The following SLC35G1 variants were observed in gnomAD, a reference collection of about 807,000 sequenced individuals.
SLC35G1 encodes solute carrier family 35 member G1.
A neutral mutation model predicts 17.1 loss-of-function variants in SLC35G1; 10 were observed. The ratio of observed to expected loss-of-function variants is 0.59; its 90% confidence interval spans 0.36 to 0.99. SLC35G1 has a LOEUF of 0.99. SLC35G1 is among the 50% of genes least tolerant of loss of function. The pLI is 0.01. For missense variants in SLC35G1, 433 were observed against 468.4 expected, an observed-to-expected ratio of 0.92 and a Z score of 0.70; for synonymous variants, 185 against 181.1, an observed-to-expected ratio of 1.02 and a Z score of -0.18.
intron 2 of SLC35G1, among the ~76,000 whole-genome samples, chr10:93,899,954 G>T (rs1199566083): frequency 1.3e-5 from 2 of 152,144 alleles, no homozygotes; most frequent in African/African-American, 2.4e-5. Context: ...GGCCAAATGT[G>T]ACCGTGCTTT....
chr10:93,900,933 A>G lies in SLC35G1; in HGVS notation c.541A>G (p.Lys181Glu). ...ATTTGCTTGGATATGTCTCAAGGAA[A>G]AATATAGCCCTTGGGATGCTCTTTT... ...SIFAWICLKEKYSPWDALFTV... is the reference protein window; with the variant it reads ...SIFAWICLKEEYSPWDALFTV... The change falls in exon 3 of 3, where the codon AAA (lysine) becomes GAA (glutamate). Residue 181 changes from lysine to glutamate, a missense_variant. Transcript: ENST00000427197. 1 of 1,614,060 alleles carries G rather than the reference A, an allele frequency of 6.2e-7. No individual in the cohort carries two copies. The highest frequency in any genetic ancestry group is 8.5e-7 in the Non-Finnish European group (1 of 1,179,974).
chr10:93,903,419 T>G lies in SLC35G1; in HGVS notation c.*1929T>G, dbSNP rs1454846308. ...ATTTCCATGGCCTTCCTCCCTTCCT[T>G]AGTTCCATGATAAAGTATGGACAGT... is the stretch of plus-strand genomic sequence containing the variant. On this transcript the variant is annotated 3_prime_UTR_variant, in exon 3 of 3. Transcript: ENST00000427197. 6.6e-6 allele frequency: 1 copy of G among 152,180 alleles called. No homozygotes were observed. The highest frequency in any genetic ancestry group is 2.4e-5 in the African/African-American group (1 of 41,434). 9.4% of individuals were successfully genotyped at this position (152,180 alleles called of 1,614,324 possible). A position where few individuals can be genotyped will look rare whatever the true frequency, so the allele number is the denominator to read the frequency against.
rs1178412920 is a variant in SLC35G1 at position 93,901,588 on chromosome 10, GGT to G, written c.*99_*100del. The G allele has an allele frequency of 7.5e-7, 1 of 1,336,416 alleles. No individual in the cohort carries two copies. Among genetic ancestry groups the G allele is most frequent in the African/African-American group, 1.5e-5 (1 of 67,154 alleles). The allele number at this position is 1,336,416 out of a possible 1,614,324, so 82.8% of individuals were successfully genotyped here. A position where few individuals can be genotyped will look rare whatever the true frequency, so the allele number is the denominator to read the frequency against. On this transcript the variant is annotated 3_prime_UTR_variant, in exon 3 of 3. Transcript: ENST00000427197. ...CTGGAAAATCTGCATTTTCTTCATTGGTTGTATTTAATAAATTGCCTAAAGTA... is the reference window on the plus strand; with the variant it reads ...CTGGAAAATCTGCATTTTCTTCATTGTGTATTTAATAAATTGCCTAAAGTA...
intron 1 of SLC35G1, among the ~76,000 whole-genome samples, chr10:93,897,726 TTGA>T (rs2060344635): frequency 6.6e-6 from 1 of 152,158 alleles, no homozygotes; most frequent in Non-Finnish European, 1.5e-5. Flanking sequence ...GACTGAATAC[TTGA>T]TGCCCTGGAG....
Position 93,901,447 on chromosome 10 carries a change from A to G in SLC35G1, c.1055A>G (p.Asn352Ser), listed in dbSNP as rs757304919. 1 of 1,603,894 alleles carries G rather than the reference A, an allele frequency of 6.2e-7. No homozygotes were observed. Among genetic ancestry groups the G allele is most frequent in the Non-Finnish European group, 8.5e-7 (1 of 1,176,414 alleles). The change falls in exon 3 of 3, where the codon AAT becomes AGT. Residue 352 changes from asparagine to serine, a missense_variant. Transcript: ENST00000427197. ...VGGALCVVASNVGAAIRKWYQ... is the reference protein window; with the variant it reads ...VGGALCVVASSVGAAIRKWYQ... ...GGTGCTCTCTGCGTAGTAGCCAGTA[A>G]TGTTGGAGCGGCCATTCGTAAATGG...
intron 1 of SLC35G1, among the ~76,000 whole-genome samples, chr10:93,895,360 C>T (rs1056112573): frequency 2.6e-5 from 4 of 152,224 alleles, no homozygotes; most frequent in African/African-American, 9.6e-5. Context: ...TTATGCCAGG[C>T]TGAATTGAAC....
chr10:93,894,113 C>T lies in SLC35G1; in HGVS notation c.80C>T (p.Ala27Val). 2 of 1,488,052 alleles carry T rather than the reference C, an allele frequency of 1.3e-6. No homozygotes were observed. Among genetic ancestry groups the T allele is most frequent in the South Asian group, 1.3e-5 (1 of 79,314 alleles). The allele number at this position is 1,488,052 out of a possible 1,614,324, so 92.2% of individuals were successfully genotyped here. ...CTAACGGACGATGCACCCCCGGGCG[C>T]CACTGAGGAGCCGGCGGCCGCCGAG... ...LPLTDDAPPG[A>V]TEEPAAAEAA... The change falls in exon 1 of 3, where the codon GCC (alanine) becomes GTC (valine). Residue 27 changes from alanine (A) to valine (V), a missense_variant. Physicochemically the swap from Ala to Val is moderately conservative, Grantham distance 64 (BLOSUM62 0). Transcript: ENST00000427197.
At position 93,902,791 on chromosome 10, in the gene SLC35G1, T is replaced by A. The variant is rs2134071339; in HGVS notation, c.*1301T>A. On this transcript the variant is annotated 3_prime_UTR_variant, in exon 3 of 3. Coordinates refer to ENST00000427197, the MANE Select transcript of SLC35G1 (RefSeq NM_001134658.3). ...ATACCATGATGCAGCACCATGACAC[T>A]AACGCCATGAATTCAAACAGCACGT... 1 of 152,738 alleles carries A rather than the reference T, an allele frequency of 6.5e-6. No homozygotes were observed. The highest frequency in any genetic ancestry group is 1.5e-5 in the Non-Finnish European group (1 of 68,032). The allele number at this position is 152,738 out of a possible 1,614,324, so 9.5% of individuals were successfully genotyped here. A position where few individuals can be genotyped will look rare whatever the true frequency, so the allele number is the denominator to read the frequency against.
chr10:93,902,490 C>A lies in SLC35G1; in HGVS notation c.*1000C>A, dbSNP rs544080699. On this transcript the variant is annotated 3_prime_UTR_variant, in exon 3 of 3. Transcript: ENST00000427197. The stretch of plus-strand genomic sequence containing the variant: ...ATTTTACTATTTTAACTTAGAAAAA[C>A]CATCGTTTCATATGATTCACCCTAA... The A allele has an allele frequency of 6.6e-6, 1 of 152,616 alleles. No individual in the cohort carries two copies. Among genetic ancestry groups the A allele is most frequent in the East Asian group, 1.9e-4 (1 of 5,186 alleles). 9.5% of individuals were successfully genotyped at this position (152,616 alleles called of 1,614,324 possible). A position where few individuals can be genotyped will look rare whatever the true frequency, so the allele number is the denominator to read the frequency against.
chr10:93,907,644 AAG>A (rs1274315624), downstream of SLC35G1: 5 of 152,222 alleles, frequency 3.3e-5, no homozygotes, highest in Non-Finnish European at 7.3e-5. Context: ...TTTGTATAAA[AAG>A]AGGGTAAACA....
chr10:93,907,041 T>C (rs1345529620), downstream of SLC35G1: 1 of 152,084 alleles, frequency 6.6e-6, no homozygotes, highest in Non-Finnish European at 1.5e-5. Flanking sequence ...TTTTGGAAAA[T>C]AGTTATTTTT....
chr10:93,894,398 C>T (rs759710759), intron 1 of SLC35G1, among the ~76,000 whole-genome samples, 187 bp downstream of exon 1: 2 of 152,108 alleles, frequency 1.3e-5, no homozygotes, highest in African/African-American at 2.4e-5. Flanking sequence ...GCGCCCCAGC[C>T]GGCGCTAAGA....
downstream of SLC35G1, chr10:93,906,437 A>G (rs1300193133): frequency 1.3e-5 from 2 of 152,274 alleles, no homozygotes; most frequent in East Asian, 3.9e-4. Context: ...GAGCTGCCCC[A>G]GCTGATGCTG....
intron 2 of SLC35G1, among the ~76,000 whole-genome samples, chr10:93,900,239 A>G (rs1188121389): frequency 6.6e-6 from 1 of 152,218 alleles, no homozygotes; most frequent in East Asian, 1.9e-4. Flanking sequence ...AGTTTTATAG[A>G]AAAATTCATG....
chr10:93,897,481 A>G (rs1414394509), intron 1 of SLC35G1, among the ~76,000 whole-genome samples: 3 of 152,174 alleles, frequency 2.0e-5, no homozygotes, highest in East Asian at 1.9e-4. Flanking sequence ...CTCTTAATCA[A>G]TGAGGGCCAC....
At position 93,901,509 on chromosome 10, in the gene SLC35G1, C is replaced by CGGCGACCACCG; in HGVS notation, c.*19_*20insGGCGACCACCG. 1 of 1,560,586 alleles carries CGGCGACCACCG rather than the reference C, an allele frequency of 6.4e-7. No individual in the cohort carries two copies. On this transcript the variant is annotated 3_prime_UTR_variant, in exon 3 of 3. Transcript: ENST00000427197. Reference sequence around the variant, plus strand: ...CAAATGAAGCATCATTGCTGAAATACATATTTTTTTCAAGTACACCATCAC... The same window carrying CGGCGACCACCG: ...CAAATGAAGCATCATTGCTGAAATACGGCGACCACCGATATTTTTTTCAAGTACACCATCAC...
At chr10:93,896,228 T>C (rs2060328582) in intron 1 of SLC35G1, among the ~76,000 whole-genome samples, 1 of 152,086 alleles carries the variant, frequency 6.6e-6, no homozygotes, top group East Asian at 1.9e-4. Flanking sequence ...ACTTTTGAGC[T>C]CAAGAGATCC....
At chr10:93,894,508 C>T (rs920831752) in intron 1 of SLC35G1, among the ~76,000 whole-genome samples, 3 of 152,070 alleles carry the variant, frequency 2.0e-5, no homozygotes, top group Admixed American at 6.5e-5. Flanking sequence ...TGCAGTTTGG[C>T]GTACCCTCCC....
chr10:93,905,343 G>T (rs1297044244), downstream of SLC35G1, among the ~76,000 whole-genome samples: 1 of 152,036 alleles, frequency 6.6e-6, no homozygotes, highest in African/African-American at 2.4e-5. Flanking sequence ...GGTGAAGGTT[G>T]GATATATGAA....
Sources: allele counts gnomAD v4.1 joint callset (sites outside exome capture counted in the v4.1 genomes callset), GRCh38; gene constraint gnomAD v4.1.1; transcripts MANE v1.5; gene names NCBI Gene and HGNC (gene_info 2026-07-23, HGNC 2026-07-21).